The following PGR variants were observed in gnomAD, a reference collection of about 807,000 sequenced individuals.
The protein encoded by PGR is nuclear receptor subfamily 3 group C member 3.
A neutral mutation model predicts 76.1 loss-of-function variants in PGR; 25 were observed. The observed-to-expected ratio is 0.33, with a 90% CI of 0.24 to 0.46. The LOEUF is 0.46. Among genes scored for constraint, PGR ranks in the 20% least tolerant of loss-of-function variants. The pLI, the probability that PGR is intolerant of heterozygous loss-of-function variation, is 1.00. For missense variants in PGR, 1,172 were observed against 1,225.3 expected (o/e 0.96, Z 0.65); for synonymous variants, 579 against 535.0 (o/e 1.08, Z -1.14).
chr11:101,105,047 C>T (rs1371939231), intron 2 of PGR, among the ~76,000 whole-genome samples: 1 of 152,032 alleles, frequency 6.6e-6, no homozygotes, highest in Non-Finnish European at 1.5e-5. Context: ...GAAGAAATTG[C>T]TAAGATGCTA....
At chr11:101,076,370 A>T (rs1022083547) in intron 3 of PGR, among the ~76,000 whole-genome samples, 1 of 152,118 alleles carries the variant, frequency 6.6e-6, no homozygotes, top group Admixed American at 6.6e-5. Flanking sequence ...AATGTAGATG[A>T]TGGGTTGATG....
At chr11:101,103,794 G>T (rs1316126207) in intron 2 of PGR, among the ~76,000 whole-genome samples, 3 of 152,054 alleles carry the variant, frequency 2.0e-5, no homozygotes, top group Non-Finnish European at 4.4e-5. Flanking sequence ...CAAAGTTTTA[G>T]CTTTTTAAAA....
intron 3 of PGR, among the ~76,000 whole-genome samples, chr11:101,088,167 C>T (rs542421433): frequency 6.6e-6 from 1 of 152,210 alleles, no homozygotes; most frequent in African/African-American, 2.4e-5. Context: ...CACAGCACTC[C>T]AGTCTGGGTG....
chr11:101,042,025 T>C lies in PGR; in HGVS notation c.2566A>G (p.Ile856Val). ...SSYIRELIKA[I>V]GLRQKGVVSS... ...ACAACTCCTTTTTGCCTCAAACCAA[T>C]TGCCTTGATGAGCTCTCTAATGTAG... The change falls in exon 7 of 8, where the codon ATT becomes GTT. Residue 856 changes from isoleucine (I) to valine (V), a missense_variant. Around this residue, in one of 4 missense-constraint regions of PGR, gnomAD observed 166 missense variants for 296.0 expected, o/e 0.56. Transcript: ENST00000325455. 1.2e-6 allele frequency: 2 copies of C among 1,613,642 alleles called. No homozygotes were observed. Among genetic ancestry groups the C allele is most frequent in the Non-Finnish European group, 1.7e-6 (2 of 1,179,704 alleles).
At position 101,035,826 on chromosome 11, in the gene PGR, T is replaced by C. The variant is rs1859492361; in HGVS notation, c.*3290A>G. 1 of 231,682 alleles carries C rather than the reference T, an allele frequency of 4.3e-6. No individual in the cohort carries two copies. Among genetic ancestry groups the C allele is most frequent in the African/African-American group, 2.2e-5 (1 of 45,252 alleles). The allele number at this position is 231,682 out of a possible 1,614,324, so 14.4% of individuals were successfully genotyped here. On this transcript the variant is annotated 3_prime_UTR_variant, in exon 8 of 8. Transcript: ENST00000325455. Reference sequence around the variant, plus strand: ...AAATATATCATAGCACATGGTGACATAAATAAAACAGTGAGACTTTCTAGA... The same window carrying C: ...AAATATATCATAGCACATGGTGACACAAATAAAACAGTGAGACTTTCTAGA...
rs1859518441 is a variant in PGR at position 101,036,441 on chromosome 11, A to C, written c.*2675T>G. The C allele has an allele frequency of 5.0e-6, 1 of 200,908 alleles. No individual in the cohort carries two copies. The highest frequency in any genetic ancestry group is 7.7e-5 in the East Asian group (1 of 12,926). The allele number at this position is 200,908 out of a possible 1,614,324, so 12.4% of individuals were successfully genotyped here. On this transcript the variant is annotated 3_prime_UTR_variant, in exon 8 of 8. Coordinates refer to ENST00000325455, the MANE Select transcript of PGR (RefSeq NM_000926.4). ...CAAGAATCTATTTCAGTAACCTTCA[A>C]GTATTTCCTGATATGTAACCTGTCT...
chr11:101,067,737 G>A (rs1860769793), intron 3 of PGR, among the ~76,000 whole-genome samples: 1 of 151,800 alleles, frequency 6.6e-6, no homozygotes, highest in African/African-American at 2.4e-5. Flanking sequence ...AAATAAATGG[G>A]AGATACTCAT....
chr11:101,083,344 T>C (rs1861374295), intron 3 of PGR, among the ~76,000 whole-genome samples: 1 of 152,244 alleles, frequency 6.6e-6, no homozygotes, highest in Non-Finnish European at 1.5e-5. Context: ...GAACCTCTAC[T>C]AGGACAGTGT....
chr11:101,064,446 G>T (rs557762900), intron 3 of PGR, among the ~76,000 whole-genome samples: 11 of 150,302 alleles, frequency 7.3e-5, no homozygotes, highest in Non-Finnish European at 1.6e-4. Context: ...AAAACAAAGG[G>T]GATTCAAAAT....
intron 3 of PGR, chr11:101,063,263 T>C (rs1441587353): frequency 6.5e-6 from 1 of 152,932 alleles, no homozygotes; most frequent in Non-Finnish European, 1.5e-5. Context: ...CCCCACAAAA[T>C]CTTTTTATAC....
intron 2 of PGR, among the ~76,000 whole-genome samples, chr11:101,103,709 T>A (rs751426913): frequency 1.9e-4 from 29 of 152,226 alleles, no homozygotes; most frequent in South Asian, 8.3e-4. Context: ...AGTTAACCAG[T>A]TTTATTAATC....
chr11:101,065,613 C>G, intron 3 of PGR, among the ~76,000 whole-genome samples: 1 of 152,062 alleles, frequency 6.6e-6, no homozygotes, highest in Non-Finnish European at 1.5e-5. Flanking sequence ...TATATTTTTG[C>G]ACCTCTGAAA....
At chr11:101,063,133 C>T (rs1158531880) in intron 3 of PGR, 1 of 165,498 alleles carries the variant, frequency 6.0e-6, no homozygotes, top group African/African-American at 2.4e-5. Flanking sequence ...ATAGAACAGC[C>T]TTCCAAAATC....
chr11:101,107,378 T>C (rs2135480921), intron 2 of PGR, among the ~76,000 whole-genome samples: 1 of 152,338 alleles, frequency 6.6e-6, no homozygotes, highest in African/African-American at 2.4e-5. Context: ...CTCTTCCAAA[T>C]GCCCTAATTA....
chr11:101,074,798 C>A (rs1249228587), intron 3 of PGR, among the ~76,000 whole-genome samples: 2 of 152,018 alleles, frequency 1.3e-5, no homozygotes, highest in African/African-American at 4.8e-5. Flanking sequence ...TCAAGGAGAA[C>A]TACAAATCAA....
intron 4 of PGR, among the ~76,000 whole-genome samples, chr11:101,057,554 G>T (rs1397573677): frequency 1.3e-5 from 2 of 152,108 alleles, no homozygotes; most frequent in Non-Finnish European, 2.9e-5. Flanking sequence ...AGGATCATTT[G>T]GGCACCACGT....
In PGR at chr11:101,033,614, C is replaced by T. The variant is rs1435158017; in HGVS notation, c.*5502G>A. 1 of 198,554 alleles carries T rather than the reference C, an allele frequency of 5.0e-6. No homozygotes were observed. Among genetic ancestry groups the T allele is most frequent in the Admixed American group, 6.0e-5 (1 of 16,580 alleles). The allele number at this position is 198,554 out of a possible 1,614,324, so 12.3% of individuals were successfully genotyped here. A position where few individuals can be genotyped will look rare whatever the true frequency, so the allele number is the denominator to read the frequency against. ...ATTGATATGTCTTTGAATAACAAAA[C>T]ATTAAGAAAACACAATAACTATTTC... On this transcript the variant is annotated 3_prime_UTR_variant, in exon 8 of 8. Coordinates refer to ENST00000325455, the MANE Select transcript of PGR (RefSeq NM_000926.4).
Position 101,128,693 on chromosome 11 carries a change from C to G in PGR, c.378G>C (p.Gln126His), listed in dbSNP as rs758631280. The G allele has an allele frequency of 3.7e-6, 6 of 1,604,298 alleles. 1 individual carries two copies. The South Asian group carries it at 5.6e-5, about 15-fold the overall frequency. The change falls in exon 1 of 8, where the codon CAG becomes CAC. Residue 126 changes from glutamine to histidine, a missense_variant. Gln to His is a conservative substitution (Grantham distance 24). Around this residue, in one of 4 missense-constraint regions of PGR, gnomAD observed 893 missense variants for 785.9 expected, o/e 1.14. Coordinates refer to ENST00000325455, the MANE Select transcript of PGR (RefSeq NM_000926.4). ...CGCAGGCGGGAGGGCTGGGTTGGCT[C>G]TGCCCGGGACCTGAGGGCGCCAACA... ...DTLLAPSGPGQSQPSPPACEV... is the reference protein window; with the variant it reads ...DTLLAPSGPGHSQPSPPACEV...
intron 2 of PGR, among the ~76,000 whole-genome samples, chr11:101,101,168 C>A (rs1291529474): frequency 6.6e-6 from 1 of 151,984 alleles, no homozygotes; most frequent in African/African-American, 2.4e-5. Context: ...TTTCATTGAC[C>A]ACTGATAATT....
Sources: allele counts gnomAD v4.1 joint callset (sites outside exome capture counted in the v4.1 genomes callset), GRCh38; gene constraint gnomAD v4.1.1; regional missense constraint gnomAD v4.1.1; transcripts MANE v1.5; gene names NCBI Gene and HGNC (gene_info 2026-07-23, HGNC 2026-07-21).